Variants in MAP3K5 observed in about 807,000 individuals in gnomAD.
The protein encoded by MAP3K5 is mitogen-activated protein kinase kinase kinase 5, also known as ASK-1.
A neutral mutation model predicts 158.7 loss-of-function variants in MAP3K5; 56 were observed. The ratio of observed to expected loss-of-function variants is 0.35; its 90% CI spans 0.28 to 0.44. The LOEUF is 0.44. MAP3K5 is among the 20% of genes least tolerant of loss of function. The pLI is 1.00. For synonymous variants in MAP3K5, 579 were observed against 601.7 expected, an observed-to-expected ratio of 0.96 and a Z score of 0.55; for missense variants, 1,294 against 1,674.8, an observed-to-expected ratio of 0.77 and a Z score of 3.97.
intron 14 of MAP3K5, among the ~76,000 whole-genome samples, chr6:136,635,015 G>A (rs549902341): frequency 2.0e-5 from 3 of 151,686 alleles, no homozygotes; most frequent in Non-Finnish European, 2.9e-5. Context: ...CTCCTGAGTA[G>A]CTGAGATGAT....
At chr6:136,640,069 GCACCT>G (rs2114288043) in intron 12 of MAP3K5, among the ~76,000 whole-genome samples, 1 of 152,326 alleles carries the variant, frequency 6.6e-6, no homozygotes, top group East Asian at 1.9e-4. Context: ...GGCAGTAAAA[GCACCT>G]CATTCATTAT....
intron 23 of MAP3K5, among the ~76,000 whole-genome samples, chr6:136,585,392 A>T (rs1238549065): frequency 6.6e-6 from 1 of 151,776 alleles, no homozygotes; most frequent in Non-Finnish European, 1.5e-5. Context: ...TGCTGGGATT[A>T]TAGATGTGAG....
intron 11 of MAP3K5, 117 bp downstream of exon 11, chr6:136,650,867 A>T (rs1778488818): frequency 1.8e-6 from 1 of 563,888 alleles, no homozygotes; most frequent in African/African-American, 1.9e-5. Flanking sequence ...CAAGACAGAC[A>T]CACAGCTGAG....
intron 1 of MAP3K5, among the ~76,000 whole-genome samples, chr6:136,782,205 A>G (rs113116482): frequency 0.01 from 1,574 of 151,840 alleles, 25 homozygotes; most frequent in African/African-American, 0.036. Context: ...CTTTGAATCC[A>G]GGAGTTAGAG....
At chr6:136,752,063 G>A (rs1051375521) in intron 1 of MAP3K5, among the ~76,000 whole-genome samples, 1 of 151,924 alleles carries the variant, frequency 6.6e-6, no homozygotes, top group Non-Finnish European at 1.5e-5. Flanking sequence ...TTTTACATTG[G>A]TTCTCTGCCT....
At chr6:136,618,346 T>C (rs182023770) in intron 15 of MAP3K5, among the ~76,000 whole-genome samples, 1 of 152,346 alleles carries the variant, frequency 6.6e-6, no homozygotes, top group East Asian at 1.9e-4. Context: ...ACATTGTCAA[T>C]AAGAAGATGC....
chr6:136,736,598 TC>T (rs1278690136), intron 1 of MAP3K5, among the ~76,000 whole-genome samples: 1 of 152,236 alleles, frequency 6.6e-6, no homozygotes, highest in East Asian at 1.9e-4. Context: ...TGGCTGGACT[TC>T]ACTGACTATA....
intron 2 of MAP3K5, among the ~76,000 whole-genome samples, chr6:136,709,478 C>G (rs1208785782): frequency 1.3e-5 from 2 of 152,080 alleles, no homozygotes; most frequent in East Asian, 3.9e-4. Flanking sequence ...GGAGAGATGC[C>G]CTCATGCTCC....
chr6:136,581,651 T>A (rs1368298106), intron 24 of MAP3K5, among the ~76,000 whole-genome samples: 1 of 152,144 alleles, frequency 6.6e-6, no homozygotes, highest in Non-Finnish European at 1.5e-5. Context: ...TTCATCAAAC[T>A]CCCCTAGTTT....
chr6:136,569,895 A>T (rs1260239420), intron 25 of MAP3K5, among the ~76,000 whole-genome samples: 1 of 152,222 alleles, frequency 6.6e-6, no homozygotes, highest in African/African-American at 2.4e-5. Flanking sequence ...TTTAAGTGAA[A>T]TCAAGGTAGC....
chr6:136,680,402 C>A (rs1341351961), intron 7 of MAP3K5, among the ~76,000 whole-genome samples: 1 of 152,144 alleles, frequency 6.6e-6, no homozygotes, highest in African/African-American at 2.4e-5. Flanking sequence ...GAAACGTGAT[C>A]CTTTGCTTAA....
At chr6:136,626,803 A>G (rs1165410528) in intron 14 of MAP3K5, among the ~76,000 whole-genome samples, 2 of 148,328 alleles carry the variant, frequency 1.3e-5, no homozygotes, top group African/African-American at 5.2e-5. Flanking sequence ...ACTTTCAATA[A>G]CCCACCTCAC....
At chr6:136,709,397 T>TA (rs1453001803) in intron 2 of MAP3K5, among the ~76,000 whole-genome samples, 1 of 152,206 alleles carries the variant, frequency 6.6e-6, no homozygotes, top group East Asian at 1.9e-4. Flanking sequence ...TAGTCTCTTC[T>TA]AATGCTGTGT....
chr6:136,635,725 CAAA>C (rs140167177), intron 14 of MAP3K5, among the ~76,000 whole-genome samples: 1,345 of 67,830 alleles, frequency 0.02, 32 homozygotes, highest in African/African-American at 0.073. Context: ...CCGTCTCCAC[CAAA>C]AAAAAAAAAA....
intron 29 of MAP3K5, among the ~76,000 whole-genome samples, chr6:136,558,380 A>G (rs796592665): frequency 2.8e-4 from 39 of 137,550 alleles, no homozygotes; most frequent in African/African-American, 9.5e-4. Context: ...CTCCATCCCG[A>G]AAAAAAAAAA....
At chr6:136,608,730 AC>A (rs1301360038) in intron 18 of MAP3K5, among the ~76,000 whole-genome samples, 1 of 152,236 alleles carries the variant, frequency 6.6e-6, no homozygotes, top group African/African-American at 2.4e-5. Context: ...GGATAATGAT[AC>A]CTAATGATTA....
At chr6:136,669,633 T>A (rs1171616981) in intron 7 of MAP3K5, among the ~76,000 whole-genome samples, 4 of 151,814 alleles carry the variant, frequency 2.6e-5, no homozygotes, top group Non-Finnish European at 2.9e-5. Context: ...CCCTAGTCTT[T>A]AAAAAAATCC....
intron 25 of MAP3K5, among the ~76,000 whole-genome samples, chr6:136,568,615 CTGTAATCCCAGCACTT>C (rs990669889): frequency 2.6e-5 from 4 of 152,158 alleles, no homozygotes; most frequent in African/African-American, 9.7e-5. Context: ...TGGCTCACGC[CTGTAATCCCAGCACTT>C]TGGGAGGCCA....
In MAP3K5 at chr6:136,633,386, A is replaced by G. The variant is rs568274195; in HGVS notation, c.2016+3939T>C. Among the ~76,000 whole-genome samples, 18 of 151,956 alleles carry G rather than the reference A, an allele frequency of 1.2e-4. No individual in the cohort carries two copies. The South Asian group carries it at 3.5e-3, about 30-fold the overall frequency. ...GCACTCCAGCCTGGGTGACAGAGCA[A>G]GACTCTGTCTGAAAAAAAATAAAAT... On this transcript the variant is annotated intron_variant, in intron 14 of 29. Coordinates refer to ENST00000359015, the MANE Select transcript of MAP3K5 (RefSeq NM_005923.4).
Sources: allele counts gnomAD v4.1 joint callset (sites outside exome capture counted in the v4.1 genomes callset), GRCh38; gene constraint gnomAD v4.1.1; transcripts MANE v1.5; gene names NCBI Gene and HGNC (gene_info 2026-07-23, HGNC 2026-07-21).